EML2: variants seen among roughly 807,000 people sequenced by gnomAD.
EML2 encodes EMAP like 2, also known as echinoderm microtubule-associated protein-like 2.
A neutral mutation model predicts 84.7 loss-of-function variants in EML2; 59 were observed. The observed-to-expected ratio is 0.70, with a 90% CI of 0.56 to 0.86. The LOEUF (loss-of-function observed/expected upper bound fraction) is 0.86, where lower values mean the gene tolerates loss of function less well. Among genes scored for constraint, EML2 ranks in the 40% least tolerant of loss-of-function variants. The pLI is 0.00. For missense variants in EML2, 818 were observed against 855.6 expected, an observed-to-expected ratio of 0.96 and a Z score of 0.55; for synonymous variants, 352 against 348.9, an observed-to-expected ratio of 1.01 and a Z score of -0.10.
intron 11 of EML2, 112 bp downstream of exon 11, chr19:45,621,095 G>T: frequency 6.9e-7 from 1 of 1,454,644 alleles, no homozygotes; most frequent in Non-Finnish European, 9.3e-7. Flanking sequence ...TCAGAGAAGG[G>T]ACAGAGCAGG....
At chr19:45,619,274 T>A in intron 11 of EML2, 83 bp from the exon 12 acceptor site, 1 of 1,483,470 alleles carries the variant, frequency 6.7e-7, no homozygotes, top group Non-Finnish European at 9.0e-7. Flanking sequence ...AAATGCTAGA[T>A]GAGCCCCAGC....
At chr19:45,644,414 G>A (rs934897927), upstream of EML2, among the ~76,000 whole-genome samples, 1 of 152,088 alleles carries the variant, frequency 6.6e-6, no homozygotes, top group South Asian at 2.1e-4. Context: ...TGGGTCCCCT[G>A]CCAATTCCAG....
At chr19:45,636,508 G>A (rs1254094489) in intron 3 of EML2, among the ~76,000 whole-genome samples, 1 of 152,090 alleles carries the variant, frequency 6.6e-6, no homozygotes, top group African/African-American at 2.4e-5. Flanking sequence ...CTGTCCCTGT[G>A]GATTCCCCAT....
intron 8 of EML2, among the ~76,000 whole-genome samples, chr19:45,625,862 CTGTTTTTGTTTT>C (rs376100577): frequency 5.7e-5 from 8 of 140,570 alleles, no homozygotes; most frequent in South Asian, 2.1e-4. Context: ...CGCAGCACCC[CTGTTTTTGTTTT>C]TGTTTTTGTT....
At chr19:45,626,941 G>C in intron 7 of EML2, 102 bp from the exon 8 acceptor site, 1 of 1,057,630 alleles carries the variant, frequency 9.5e-7, no homozygotes, top group South Asian at 2.1e-5. Flanking sequence ...TGTGTTGTAT[G>C]CTGCACACCT....
upstream of EML2, chr19:45,641,492 T>A: frequency 1.3e-5 from 9 of 717,750 alleles, no homozygotes; most frequent in Non-Finnish European, 1.8e-5. Context: ...CACCTCAAGA[T>A]TGGTCCCTCC....
intron 9 of EML2, among the ~76,000 whole-genome samples, chr19:45,622,221 A>G (rs1971796378): frequency 6.6e-6 from 1 of 151,728 alleles, no homozygotes; most frequent in Non-Finnish European, 1.5e-5. Context: ...CCACTCACTT[A>G]TCTACTGGTC....
intron 15 of EML2, 172 bp from the exon 16 acceptor site, chr19:45,616,061 G>A: frequency 1.6e-6 from 1 of 625,504 alleles, no homozygotes; most frequent in Non-Finnish European, 2.9e-6. Flanking sequence ...CCAGAATACT[G>A]TGGGCGGGGC....
chr19:45,629,983 A>G lies in EML2; in HGVS notation c.574T>C (p.Trp192Arg). The G allele has an allele frequency of 6.2e-7, 1 of 1,613,648 alleles. No individual in the cohort carries two copies. Among genetic ancestry groups the G allele is most frequent in the South Asian group, 1.1e-5 (1 of 91,056 alleles). The part of the protein sequence containing the change: ...SNDHMLSVWD[W>R]AKETKVVDVK... Reference sequence around the variant, plus strand: ...TCCACCACCTTGGTCTCCTTGGCCCAGTCCCACACCGAGAGCATGTGATCA... The same window carrying G: ...TCCACCACCTTGGTCTCCTTGGCCCGGTCCCACACCGAGAGCATGTGATCA... The change falls in exon 7 of 19, where the codon TGG becomes CGG. Residue 192 changes from tryptophan to arginine, a missense_variant. Coordinates refer to ENST00000245925, the MANE Select transcript of EML2 (RefSeq NM_012155.4).
At chr19:45,633,207 A>G in intron 4 of EML2, 68 bp from the exon 5 acceptor site, 1 of 1,492,322 alleles carries the variant, frequency 6.7e-7, no homozygotes, top group Non-Finnish European at 9.2e-7. Flanking sequence ...GACCCAGGAC[A>G]TTCATTCCAC....
At chr19:45,618,440 A>G (rs1432515879) in intron 12 of EML2, among the ~76,000 whole-genome samples, 1 of 151,876 alleles carries the variant, frequency 6.6e-6, no homozygotes, top group African/African-American at 2.4e-5. Context: ...TGGTTACCCT[A>G]TGGGACAGTG....
intron 18 of EML2, among the ~76,000 whole-genome samples, chr19:45,611,928 G>A (rs1445975183): frequency 6.6e-6 from 1 of 152,072 alleles, no homozygotes; most frequent in Non-Finnish European, 1.5e-5. Context: ...CTGGAGTAAA[G>A]TGGCACGATC....
upstream of EML2, chr19:45,639,409 T>C: frequency 8.0e-7 from 1 of 1,250,926 alleles, no homozygotes. Flanking sequence ...GGGCCGGGGG[T>C]GGAGCCGGGA....
At chr19:45,624,568 T>C (rs1368616034) in intron 9 of EML2, 151 bp downstream of exon 9, 2 of 626,338 alleles carry the variant, frequency 3.2e-6, no homozygotes, top group Non-Finnish European at 5.7e-6. Context: ...TTCCTGGAGA[T>C]AGGGATACTT....
intron 2 of EML2, 33 bp from the exon 3 acceptor site, chr19:45,638,667 C>T: frequency 6.2e-7 from 1 of 1,609,888 alleles, no homozygotes; most frequent in African/African-American, 1.3e-5. Flanking sequence ...CAGGCACTGA[C>T]ACCAGCCCCA....
At chr19:45,623,902 C>G (rs926541034) in intron 9 of EML2, among the ~76,000 whole-genome samples, 2 of 152,172 alleles carry the variant, frequency 1.3e-5, no homozygotes, top group African/African-American at 4.8e-5. Flanking sequence ...CCTGGCTGGT[C>G]TCAAACTCCT....
At position 45,616,232 on chromosome 19, in the gene EML2, A is replaced by G. The variant is rs373332681; in HGVS notation, c.1509+229T>C. ...ACGTGAGGGGCGGTCTCGGAACGTGAGGGGCGGGGCTACACAGATGGGCTT... is the reference window on the plus strand; with the variant it reads ...ACGTGAGGGGCGGTCTCGGAACGTGGGGGGCGGGGCTACACAGATGGGCTT... On this transcript the variant is annotated intron_variant, in intron 15 of 18. Transcript: ENST00000245925. 26 of 321,178 alleles carry G rather than the reference A, an allele frequency of 8.1e-5. No individual in the cohort carries two copies. In the African/African-American group the frequency reaches 1.1e-3, roughly 13 times the overall value. 19.9% of individuals were successfully genotyped at this position (321,178 alleles called of 1,614,324 possible).
upstream of EML2, among the ~76,000 whole-genome samples, chr19:45,644,261 A>G (rs1974860980): frequency 1.3e-5 from 2 of 152,108 alleles, no homozygotes; most frequent in Non-Finnish European, 2.9e-5. Flanking sequence ...GGAGAGGAGG[A>G]GGAAGGTTAC....
chr19:45,639,437 G>C (rs1054564002), upstream of EML2: 2 of 1,240,616 alleles, frequency 1.6e-6, no homozygotes, highest in African/African-American at 3.1e-5. Context: ...TGCCGCTTCC[G>C]GCCCTGGGAG....
Sources: allele counts gnomAD v4.1 joint callset (sites outside exome capture counted in the v4.1 genomes callset), GRCh38; gene constraint gnomAD v4.1.1; transcripts MANE v1.5; gene names NCBI Gene and HGNC (gene_info 2026-07-23, HGNC 2026-07-21).